BLK: variants seen among roughly 807,000 people sequenced by gnomAD.
BLK encodes the protein tyrosine-protein kinase Blk.
Under a neutral mutation model 61.8 loss-of-function variants are expected in BLK, and 64 were observed. The ratio of observed to expected loss-of-function variants is 1.03; its 90% confidence interval spans 0.85 to 1.27. The LOEUF is 1.27. Ranked by LOEUF, BLK falls within the 50% of genes most tolerant of loss-of-function variation. The pLI, the probability that BLK is intolerant of heterozygous loss-of-function variation, is 0.00. For missense variants in BLK, 853 were observed against 660.5 expected (o/e 1.29, Z -3.19); for synonymous variants, 351 against 272.0 (o/e 1.29, Z -2.86).
intron 1 of BLK, among the ~76,000 whole-genome samples, chr8:11,507,931 C>T (rs1353581075): frequency 2.0e-5 from 3 of 152,120 alleles, no homozygotes; most frequent in Non-Finnish European, 1.5e-5. Flanking sequence ...CACTGCTAAT[C>T]GGGGGTAGAG....
intron 10 of BLK, among the ~76,000 whole-genome samples, chr8:11,560,182 CATGGATGGATGGATGG>C (rs1167659682): frequency 2.4e-5 from 1 of 41,136 alleles, no homozygotes; most frequent in South Asian, 1.0e-3. Flanking sequence ...TGGATGGATG[CATGGATGGATGGATGG>C]ATGGATGGAT....
chr8:11,560,093 G>T (rs544052539), intron 10 of BLK: 3 of 260,490 alleles, frequency 1.2e-5, no homozygotes, highest in African/African-American at 7.1e-5. Context: ...AGTATTGATT[G>T]CATGGTGTAG....
In BLK at chr8:11,554,862, C is replaced by T. The variant is rs1036183116; in HGVS notation, c.592C>T (p.Leu198Phe). The change falls in exon 7 of 13, where the codon CTC becomes TTC. Residue 198 changes from leucine (L) to phenylalanine (F), a missense_variant. Leu to Phe is a conservative substitution (Grantham distance 22). Coordinates refer to ENST00000259089, the MANE Select transcript of BLK (RefSeq NM_001715.3). ...CTCCCCCCGGATCACCTTCCCCTCG[C>T]TCCAGGCCCTGGTGCAGCACTATTC... ...YISPRITFPS[L>F]QALVQHYSKK... 1 of 1,613,664 alleles carries T rather than the reference C, an allele frequency of 6.2e-7. No homozygotes were observed. Among genetic ancestry groups the T allele is most frequent in the African/African-American group, 1.3e-5 (1 of 74,904 alleles).
At chr8:11,548,152 T>G in intron 4 of BLK, 27 bp downstream of exon 4, 1 of 1,571,426 alleles carries the variant, frequency 6.4e-7, no homozygotes, top group South Asian at 1.1e-5. Context: ...CCATCCCCTG[T>G]CCCTGCAGGA....
chr8:11,522,854 A>G (rs1007120541), intron 1 of BLK, among the ~76,000 whole-genome samples: 1 of 152,252 alleles, frequency 6.6e-6, no homozygotes, highest in African/African-American at 2.4e-5. Context: ...CATGTCGTAA[A>G]TGTCCAAAAT....
chr8:11,549,932 C>G (rs753058974), intron 5 of BLK: 16 of 577,526 alleles, frequency 2.8e-5, no homozygotes, highest in Non-Finnish European at 4.7e-5. Flanking sequence ...TTGTTTCGTT[C>G]TAGGAAAACA....
rs74302407 is a variant in BLK, at chr8:11,495,565, A to G, written c.-2+974A>G. Among the ~76,000 whole-genome samples the G allele has an allele frequency of 2.4e-4, 37 of 152,038 alleles. 1 individual carries two copies. In the East Asian group the frequency reaches 6.6e-3, roughly 27 times the overall value. On this transcript the variant is annotated intron_variant, in intron 1 of 12. Transcript: ENST00000259089. ...CCCACCAACTCATAACCCCAGTCAA[A>G]TCATGAGAAAACATCAGACAAATCC...
intron 12 of BLK, 83 bp from the exon 13 acceptor site, chr8:11,563,820 C>T (rs1801600779): frequency 1.5e-6 from 2 of 1,377,126 alleles, no homozygotes; most frequent in Non-Finnish European, 2.0e-6. Flanking sequence ...CCTGGGCCCA[C>T]TGTGCCCCGC....
intron 1 of BLK, among the ~76,000 whole-genome samples, chr8:11,505,809 C>A (rs1453700382): frequency 6.6e-6 from 1 of 152,192 alleles, no homozygotes; most frequent in African/African-American, 2.4e-5. Context: ...TCCAAGCACG[C>A]TGGGCCCATC....
At chr8:11,559,400 C>CACACACAG (rs1480133741) in intron 10 of BLK, among the ~76,000 whole-genome samples, 1 of 151,530 alleles carries the variant, frequency 6.6e-6, no homozygotes, top group Non-Finnish European at 1.5e-5. Context: ...CAGACAGACA[C>CACACACAG]ACACACAGAC....
chr8:11,527,623 T>A (rs981486105), intron 1 of BLK, among the ~76,000 whole-genome samples: 2 of 151,704 alleles, frequency 1.3e-5, no homozygotes, highest in East Asian at 3.9e-4. Flanking sequence ...AGATAATGGG[T>A]GTTGCTGATT....
chr8:11,545,004 C>G (rs1563110612), intron 2 of BLK, among the ~76,000 whole-genome samples: 2 of 152,130 alleles, frequency 1.3e-5, no homozygotes, highest in Non-Finnish European at 2.9e-5. Context: ...CATTCCTTAG[C>G]TTTGCTTTTT....
At chr8:11,497,763 G>A (rs773938772) in intron 1 of BLK, among the ~76,000 whole-genome samples, 1 of 152,220 alleles carries the variant, frequency 6.6e-6, no homozygotes, top group Non-Finnish European at 1.5e-5. Flanking sequence ...TCAGCATGCT[G>A]GGGTTTTGAC....
intron 10 of BLK, among the ~76,000 whole-genome samples, chr8:11,559,168 C>T (rs373633149): frequency 2.6e-5 from 4 of 152,282 alleles, no homozygotes; most frequent in South Asian, 2.1e-4. Flanking sequence ...GAAAAGCCAT[C>T]GGAGTTTAAT....
At chr8:11,531,493 C>G (rs1193316085) in intron 1 of BLK, among the ~76,000 whole-genome samples, 1 of 152,174 alleles carries the variant, frequency 6.6e-6, no homozygotes, top group Non-Finnish European at 1.5e-5. Context: ...TAATGTACCT[C>G]TTTAAAGCAG....
intron 1 of BLK, among the ~76,000 whole-genome samples, chr8:11,526,145 G>C (rs1042807050): frequency 1.3e-5 from 2 of 152,150 alleles, no homozygotes; most frequent in African/African-American, 2.4e-5. Context: ...ATATCTCTGA[G>C]CTAAATACAC....
chr8:11,547,831 A>G (rs926797576), intron 3 of BLK, among the ~76,000 whole-genome samples: 5 of 152,048 alleles, frequency 3.3e-5, no homozygotes, highest in Admixed American at 6.5e-5. Flanking sequence ...TGGGTCCACA[A>G]CGGAGGACAG....
At chr8:11,505,453 A>G (rs1275112153) in intron 1 of BLK, among the ~76,000 whole-genome samples, 1 of 152,148 alleles carries the variant, frequency 6.6e-6, no homozygotes, top group African/African-American at 2.4e-5. Context: ...TCATAACTCA[A>G]TGCAGGGCCA....
At chr8:11,560,851 G>C (rs1427864748) in intron 10 of BLK, 1 of 459,994 alleles carries the variant, frequency 2.2e-6, no homozygotes, top group Non-Finnish European at 4.4e-6. Context: ...TAAGCAGCTT[G>C]CTAGAGGTCA....
Sources: allele counts gnomAD v4.1 joint callset (sites outside exome capture counted in the v4.1 genomes callset), GRCh38; gene constraint gnomAD v4.1.1; transcripts MANE v1.5; gene names NCBI Gene and HGNC (gene_info 2026-07-23, HGNC 2026-07-21).